RBMS3: variants seen among roughly 807,000 people sequenced by gnomAD.
RBMS3 encodes RNA binding motif single stranded interacting protein 3.
Under a neutral mutation model 66.8 loss-of-function variants are expected in RBMS3, and 27 were observed. The observed-to-expected ratio is 0.40, with a 90% CI of 0.30 to 0.56. The LOEUF is 0.56. RBMS3 is among the 20% of genes least tolerant of loss of function. RBMS3 has a pLI of 0.40. For synonymous variants in RBMS3, 188 were observed against 183.0 expected (o/e 1.03, Z -0.22); for missense variants, 513 against 549.5 (o/e 0.93, Z 0.66).
At chr3:29,874,681 T>G (rs1172767308) in intron 7 of RBMS3, among the ~76,000 whole-genome samples, 1 of 152,192 alleles carries the variant, frequency 6.6e-6, no homozygotes, top group African/African-American at 2.4e-5. Flanking sequence ...TTTATGTGCT[T>G]TATCTGCAAT....
At chr3:29,615,620 A>G (rs2048644057) in intron 4 of RBMS3, among the ~76,000 whole-genome samples, 1 of 152,178 alleles carries the variant, frequency 6.6e-6, no homozygotes, top group Non-Finnish European at 1.5e-5. Context: ...TGTTTTAATT[A>G]ATTACAGCGC....
chr3:29,467,081 T>C (rs13089550), intron 2 of RBMS3, among the ~76,000 whole-genome samples: 42,982 of 152,052 alleles, frequency 0.28, 6,344 homozygotes, highest in Admixed American at 0.4. Context: ...GTGAAGAGTT[T>C]TCATATACTC....
At chr3:29,995,996 C>T (rs1378063220) in intron 14 of RBMS3, among the ~76,000 whole-genome samples, 1 of 152,148 alleles carries the variant, frequency 6.6e-6, no homozygotes, top group Non-Finnish European at 1.5e-5. Context: ...AGTCAAGACC[C>T]ATCAGTGTGC....
rs551084715 is a variant in RBMS3 at position 29,456,464 on chromosome 3, C to T, written c.248+21549C>T. Among the ~76,000 whole-genome samples the T allele has an allele frequency of 3.7e-3, 566 of 152,226 alleles. 2 individuals are homozygous for T. The highest frequency in any genetic ancestry group is 0.013 in the African/African-American group (541 of 41,528). On this transcript the variant is annotated intron_variant, in intron 2 of 14. Transcript: ENST00000383767. ...CTTGGCTCAGAATAGAATATGGATA[C>T]GCATCTTAGTGATGATAATTCACTC...
chr3:29,281,486 T>C lies in RBMS3; in HGVS notation c.-196T>C, dbSNP rs1040524919. 4 of 566,584 alleles carry C rather than the reference T, an allele frequency of 7.1e-6. No homozygotes were observed. The highest frequency in any genetic ancestry group is 3.9e-5 in the African/African-American group (2 of 51,268). 35.1% of individuals were successfully genotyped at this position (566,584 alleles called of 1,614,324 possible). A position where few individuals can be genotyped will look rare whatever the true frequency, so the allele number is the denominator to read the frequency against. On this transcript the variant is annotated 5_prime_UTR_variant, in exon 1 of 15. Transcript: ENST00000383767. ...TCTCACTCCTCGCCCTTTTTTTTTTTCCTTTGGTGTGTGTTTTTTGTTTTG... is the reference window on the plus strand; with the variant it reads ...TCTCACTCCTCGCCCTTTTTTTTTTCCCTTTGGTGTGTGTTTTTTGTTTTG...
intron 1 of RBMS3, among the ~76,000 whole-genome samples, chr3:29,420,231 G>A (rs531510568): frequency 6.6e-6 from 1 of 152,230 alleles, no homozygotes; most frequent in South Asian, 2.1e-4. Flanking sequence ...TACTAAATCA[G>A]CCTGTGCATT....
intron 1 of RBMS3, among the ~76,000 whole-genome samples, chr3:29,369,260 T>A (rs1433017830): frequency 6.6e-6 from 1 of 151,988 alleles, no homozygotes; most frequent in Admixed American, 6.6e-5. Flanking sequence ...CCAACCCCCA[T>A]GACACAAGTT....
At chr3:29,297,330 A>G (rs2033342782) in intron 1 of RBMS3, among the ~76,000 whole-genome samples, 1 of 151,918 alleles carries the variant, frequency 6.6e-6, no homozygotes, top group Admixed American at 6.6e-5. Context: ...TAAAATATAA[A>G]TAAGAACCAT....
intron 3 of RBMS3, among the ~76,000 whole-genome samples, chr3:29,568,997 G>A (rs17545871): frequency 6.6e-6 from 1 of 151,966 alleles, no homozygotes; most frequent in African/African-American, 2.4e-5. Context: ...TTGTCAAAAT[G>A]TACAGCCTGA....
At chr3:29,855,766 C>A (rs1195779703) in intron 6 of RBMS3, among the ~76,000 whole-genome samples, 1 of 152,188 alleles carries the variant, frequency 6.6e-6, no homozygotes. Flanking sequence ...GGGTGCTTTG[C>A]TGTTGTGGAG....
chr3:29,289,837 G>A (rs1388276762), intron 1 of RBMS3, among the ~76,000 whole-genome samples: 1 of 151,698 alleles, frequency 6.6e-6, no homozygotes, highest in East Asian at 1.9e-4. Context: ...TTAAGAAATT[G>A]GCATATATTA....
rs1368605275 is a variant in RBMS3, at chr3:29,687,983, T to C, written c.400-51737T>C. ...CACAAAGGACACCAGAGTCATATTA[T>C]GTTTCAGTGGTACTAGAGGAAGCTG... On this transcript the variant is annotated intron_variant, in intron 4 of 14. Transcript: ENST00000383767. Among the ~76,000 whole-genome samples the C allele has an allele frequency of 3.3e-5, 5 of 152,348 alleles. No homozygotes were observed. In the East Asian group the frequency reaches 9.6e-4, roughly 29 times the overall value.
chr3:29,451,127 C>A (rs377371772), intron 2 of RBMS3, among the ~76,000 whole-genome samples: 1 of 152,260 alleles, frequency 6.6e-6, no homozygotes, highest in Middle Eastern at 3.4e-3. Context: ...CCAGATCCTG[C>A]GAATGTTTCT....
intron 1 of RBMS3, among the ~76,000 whole-genome samples, chr3:29,421,266 T>A (rs765960001): frequency 4.6e-5 from 7 of 152,198 alleles, no homozygotes; most frequent in Non-Finnish European, 1.0e-4. Context: ...TGTATTACTA[T>A]CCCATTCTTA....
Position 29,944,245 on chromosome 3 carries a change from G to A in RBMS3, c.1089G>A (p.Leu363=). 2.5e-6 allele frequency: 4 copies of A among 1,589,422 alleles called. No homozygotes were observed. Among genetic ancestry groups the A allele is most frequent in the Non-Finnish European group, 3.5e-6 (4 of 1,158,426 alleles). The change falls in exon 12 of 15, where the codon CTG becomes CTA. Residue 363 remains leucine (L), a synonymous_variant. Coordinates refer to ENST00000383767, the MANE Select transcript of RBMS3 (RefSeq NM_001003793.3). ...ACAGGATTATGATACTCCACCAGCTGTTGTGTCAGGTAGGAAAATTCTAAT... is the reference window on the plus strand; with the variant it reads ...ACAGGATTATGATACTCCACCAGCTATTGTGTCAGGTAGGAAAATTCTAAT... The part of the protein sequence containing the change: ...SQDRIMILHQ[L]LCQYMTAAAP...
intron 4 of RBMS3, among the ~76,000 whole-genome samples, chr3:29,626,966 A>G (rs1020475058): frequency 1.3e-5 from 2 of 152,180 alleles, no homozygotes; most frequent in Non-Finnish European, 2.9e-5. Context: ...GGTGGCTATC[A>G]TATTATATAG....
intron 4 of RBMS3, among the ~76,000 whole-genome samples, chr3:29,738,020 C>T (rs1343330939): frequency 6.6e-6 from 1 of 152,074 alleles, no homozygotes; most frequent in Non-Finnish European, 1.5e-5. Context: ...TGCTAAAAAG[C>T]TTGAAAAGTA....
chr3:29,593,633 C>G (rs1046672825), intron 4 of RBMS3, among the ~76,000 whole-genome samples: 2 of 152,166 alleles, frequency 1.3e-5, no homozygotes, highest in African/African-American at 4.8e-5. Flanking sequence ...ATCAAAGGAT[C>G]AGAAATCCCT....
At chr3:29,464,565 C>G (rs1173607131) in intron 2 of RBMS3, among the ~76,000 whole-genome samples, 2 of 152,116 alleles carry the variant, frequency 1.3e-5, no homozygotes, top group African/African-American at 4.8e-5. Context: ...AGGACTTTGT[C>G]TTGAAATCTT....
Sources: gnomAD v4.1 joint callset for allele counts (sites outside exome capture counted in the v4.1 genomes callset) on GRCh38, gnomAD v4.1.1 for gene constraint, MANE v1.5 for transcripts, NCBI Gene and HGNC (gene_info 2026-07-23, HGNC 2026-07-21) for gene names.